CHDH: variants seen among roughly 807,000 people sequenced by gnomAD.
The protein encoded by CHDH is choline dehydrogenase, mitochondrial.
CHDH carries 43 observed loss-of-function variants against 56.9 expected under a neutral mutation model. That is an observed-to-expected ratio of 0.76 (90% CI 0.59 to 0.97). The LOEUF (loss-of-function observed/expected upper bound fraction) is 0.97, where lower values mean the gene tolerates loss of function less well. CHDH is among the 50% of genes least tolerant of loss of function. The pLI is 0.00. For missense variants in CHDH, 816 were observed against 821.1 expected (o/e 0.99, Z 0.08); for synonymous variants, 364 against 348.5 (o/e 1.04, Z -0.50).
In CHDH at chr3:53,815,785, C is replaced by T. The variant is rs1050302878; in HGVS notation, c.*1992G>A. 2.6e-5 allele frequency: 4 copies of T among 152,268 alleles called. No homozygotes were observed. The South Asian group carries it at 8.3e-4, about 32-fold the overall frequency. The allele number at this position is 152,268 out of a possible 1,614,324, so 9.4% of individuals were successfully genotyped here. On this transcript the variant is annotated 3_prime_UTR_variant, in exon 9 of 9. Coordinates refer to ENST00000315251, the MANE Select transcript of CHDH (RefSeq NM_018397.5). ...GTTGGTCCAGGACTATCCCCTGCCC[C>T]TGAATCCACACACGCTCCAGCAGGA... is the stretch of plus-strand genomic sequence containing the variant.
At position 53,824,040 on chromosome 3, in the gene CHDH, G is replaced by T; in HGVS notation, c.-32C>A. ...ATCTAGTCCAAGTCCTCTGATCCACGGAGGGGAATGAGATGACTCACTTCT... is the reference window on the plus strand; with the variant it reads ...ATCTAGTCCAAGTCCTCTGATCCACTGAGGGGAATGAGATGACTCACTTCT... On this transcript the variant is annotated 5_prime_UTR_variant, in exon 3 of 9. Transcript: ENST00000315251. 3 of 1,409,710 alleles carry T rather than the reference G, an allele frequency of 2.1e-6. No individual in the cohort carries two copies. Among genetic ancestry groups the T allele is most frequent in the South Asian group, 3.0e-5 (2 of 66,418 alleles). The allele number at this position is 1,409,710 out of a possible 1,614,324, so 87.3% of individuals were successfully genotyped here. A position where few individuals can be genotyped will look rare whatever the true frequency, so the allele number is the denominator to read the frequency against.
intron 1 of CHDH, among the ~76,000 whole-genome samples, chr3:53,843,106 C>T (rs1698726636): frequency 8.6e-5 from 13 of 150,782 alleles, no homozygotes; most frequent in Admixed American, 8.6e-4. Context: ...ATGGATCAGG[C>T]AAAGAAGCAA....
Position 53,818,308 on chromosome 3 carries a change from G to T in CHDH, c.1367-113C>A, listed in dbSNP as rs2095619591. 3.0e-6 allele frequency: 3 copies of T among 1,009,034 alleles called. No homozygotes were observed. In the South Asian group the frequency reaches 5.1e-5, roughly 17 times the overall value. 62.5% of individuals were successfully genotyped at this position (1,009,034 alleles called of 1,614,324 possible). On this transcript the variant is annotated intron_variant, in intron 8 of 8. Coordinates refer to ENST00000315251, the MANE Select transcript of CHDH (RefSeq NM_018397.5). ...GCTGTCTGAGGGGATGGTGTTTGGG[G>T]ACAAAGTTCAGGGCCATGGGGGACT...
chr3:53,824,064 C>T lies in CHDH; in HGVS notation c.-56G>A. ...CGGAGGGGAATGAGATGACTCACTTCTCCCTAAAACAGGAAGAGGGGCTTT... is the reference window on the plus strand; with the variant it reads ...CGGAGGGGAATGAGATGACTCACTTTTCCCTAAAACAGGAAGAGGGGCTTT... On this transcript the variant is annotated 5_prime_UTR_variant, in exon 3 of 9. Transcript: ENST00000315251. 7.2e-7 allele frequency: 1 copy of T among 1,383,890 alleles called. No homozygotes were observed. Among genetic ancestry groups the T allele is most frequent in the South Asian group, 1.6e-5 (1 of 63,660 alleles). The allele number at this position is 1,383,890 out of a possible 1,614,324, so 85.7% of individuals were successfully genotyped here.
intron 4 of CHDH, 86 bp from the exon 5 acceptor site, chr3:53,821,862 T>G (rs2095627228): frequency 6.5e-7 from 1 of 1,533,042 alleles, no homozygotes; most frequent in Non-Finnish European, 8.9e-7. Flanking sequence ...GCCAGCACCA[T>G]GAGAACACAG....
intron 1 of CHDH, among the ~76,000 whole-genome samples, chr3:53,845,606 C>T (rs115992997): frequency 0.018 from 2,816 of 152,276 alleles, 80 homozygotes; most frequent in African/African-American, 0.065. Context: ...CTGGGCCACC[C>T]ACCCACGAAT....
chr3:53,815,843 G>T lies in CHDH; in HGVS notation c.*1934C>A, dbSNP rs2095614824. 1 of 152,330 alleles carries T rather than the reference G, an allele frequency of 6.6e-6. No individual in the cohort carries two copies. The highest frequency in any genetic ancestry group is 2.4e-5 in the African/African-American group (1 of 41,454). The allele number at this position is 152,330 out of a possible 1,614,324, so 9.4% of individuals were successfully genotyped here. ...ACGAGGCCCTCCAAGTTACGGGGCT[G>T]GCACCTGAACTCCTGTTTCTGCACT... On this transcript the variant is annotated 3_prime_UTR_variant, in exon 9 of 9. Transcript: ENST00000315251.
intron 1 of CHDH, among the ~76,000 whole-genome samples, chr3:53,843,290 T>C (rs1698738739): frequency 6.6e-6 from 1 of 151,820 alleles, no homozygotes; most frequent in Non-Finnish European, 1.5e-5. Flanking sequence ...CTGTTTCTTC[T>C]GCGTTTCCTA....
In CHDH at chr3:53,846,370, C is replaced by A; in HGVS notation, c.-418G>T. 1 of 474,648 alleles carries A rather than the reference C, an allele frequency of 2.1e-6. No individual in the cohort carries two copies. The highest frequency in any genetic ancestry group is 3.9e-5 in the South Asian group (1 of 25,502). 29.4% of individuals were successfully genotyped at this position (474,648 alleles called of 1,614,324 possible). A position where few individuals can be genotyped will look rare whatever the true frequency, so the allele number is the denominator to read the frequency against. Reference sequence around the variant, plus strand: ...TAGGCGCGCGCCGCGGCGGCCCGTGCTCCGCCAGCGCTCGGACACGGCCCA... The same window carrying A: ...TAGGCGCGCGCCGCGGCGGCCCGTGATCCGCCAGCGCTCGGACACGGCCCA... On this transcript the variant is annotated 5_prime_UTR_variant, in exon 1 of 9. Transcript: ENST00000315251.
In CHDH at chr3:53,815,123, TC is replaced by T. The variant is rs1464803244; in HGVS notation, c.*2653del. ...CACACAGCCCACCCCTATCCCCTAT[TC>T]CATCAGGAGCTGCCTTCTACTAGTG... On this transcript the variant is annotated 3_prime_UTR_variant, in exon 9 of 9. Coordinates refer to ENST00000315251, the MANE Select transcript of CHDH (RefSeq NM_018397.5). The T allele has an allele frequency of 6.6e-6, 1 of 152,256 alleles. No homozygotes were observed. Among genetic ancestry groups the T allele is most frequent in the Non-Finnish European group, 1.5e-5 (1 of 68,074 alleles). The allele number at this position is 152,256 out of a possible 1,614,324, so 9.4% of individuals were successfully genotyped here.
chr3:53,818,186 A>G lies in CHDH; in HGVS notation c.1376T>C (p.Ile459Thr), dbSNP rs1576774387. The change falls in exon 9 of 9, where the codon ATT becomes ACT. Residue 459 changes from isoleucine (I) to threonine (T), a missense_variant. Transcript: ENST00000315251. ...CTTCACACACAGACGGAAATCCTCA[A>G]TATCAGTTTCTGTCGAGGAGAAGAA... is the stretch of plus-strand genomic sequence containing the variant. ...QPNYLSTETD[I>T]EDFRLCVKLT... 1.9e-6 allele frequency: 3 copies of G among 1,604,000 alleles called. No homozygotes were observed. In the East Asian group the frequency reaches 6.7e-5, roughly 36 times the overall value.
At chr3:53,839,930 G>A (rs1488925469) in intron 2 of CHDH, among the ~76,000 whole-genome samples, 1 of 152,192 alleles carries the variant, frequency 6.6e-6, no homozygotes, top group Non-Finnish European at 1.5e-5. Flanking sequence ...GATGGAAATG[G>A]AGGTCGTTAT....
At chr3:53,843,279 G>A (rs1698738307) in intron 1 of CHDH, among the ~76,000 whole-genome samples, 1 of 135,392 alleles carries the variant, frequency 7.4e-6, no homozygotes, top group Non-Finnish European at 1.5e-5. Context: ...CTGCTGTTTT[G>A]CTGTTTCTTC....
intron 2 of CHDH, among the ~76,000 whole-genome samples, chr3:53,832,876 C>T (rs1698381271): frequency 6.6e-6 from 1 of 152,170 alleles, no homozygotes; most frequent in African/African-American, 2.4e-5. Context: ...GGGTGTACAA[C>T]ATTGTGAATA....
At chr3:53,821,464 C>T (rs545695486) in intron 5 of CHDH, among the ~76,000 whole-genome samples, 183 bp downstream of exon 5, 13 of 152,218 alleles carry the variant, frequency 8.5e-5, no homozygotes, top group South Asian at 2.1e-4. Flanking sequence ...ATGCAAGACT[C>T]GGGGCCCAGG....
In CHDH at chr3:53,823,553, G is replaced by T. The variant is rs1179956619; in HGVS notation, c.456C>A (p.Arg152=). Residue 152 remains arginine (R), a synonymous_variant, in exon 3 of 9, where the codon CGC becomes CGA. Transcript: ENST00000315251. The part of the protein sequence containing the change: ...GHAEDYERWQ[R]QGARGWDYAH... ...CGTAGTCCCAGCCGCGGGCGCCCTGGCGCTGCCAGCGCTCGTAGTCCTCGG... is the reference window on the plus strand; with the variant it reads ...CGTAGTCCCAGCCGCGGGCGCCCTGTCGCTGCCAGCGCTCGTAGTCCTCGG... The T allele has an allele frequency of 1.9e-6, 3 of 1,542,346 alleles. No individual in the cohort carries two copies. Among genetic ancestry groups the T allele is most frequent in the Non-Finnish European group, 2.6e-6 (3 of 1,146,104 alleles).
At chr3:53,841,373 G>A (rs926679266) in intron 1 of CHDH, among the ~76,000 whole-genome samples, 4 of 152,072 alleles carry the variant, frequency 2.6e-5, no homozygotes, top group African/African-American at 4.8e-5. Flanking sequence ...CATCACAGGC[G>A]CTGCAAAGCC....
At position 53,819,279 on chromosome 3, in the gene CHDH, C is replaced by T. The variant is rs1038069217; in HGVS notation, c.1264-239G>A. Among the ~76,000 whole-genome samples the T allele has an allele frequency of 6.6e-6, 1 of 152,184 alleles. No homozygotes were observed. Among genetic ancestry groups the T allele is most frequent in the Non-Finnish European group, 1.5e-5 (1 of 68,032 alleles). ...TCAAAGCTTTCAGAGGTGGTGATCC[C>T]AGAGCCAAGTCAGCCCCTCTGTTTG... On this transcript the variant is annotated intron_variant, in intron 7 of 8. Transcript: ENST00000315251. This position sits in a 1 kb window ranked among gnomAD's most constrained non-coding sequence, Gnocchi z 5.4.
At chr3:53,821,917 A>C in intron 4 of CHDH, 141 bp from the exon 5 acceptor site, 1 of 1,076,884 alleles carries the variant, frequency 9.3e-7, no homozygotes, top group South Asian at 1.7e-5. Flanking sequence ...CAGGCCCCAG[A>C]GCTAAGGAGA....
Sources: gnomAD v4.1 joint callset for allele counts (sites outside exome capture counted in the v4.1 genomes callset) on GRCh38, gnomAD v4.1.1 for gene constraint, Gnocchi (gnomAD v3.1) non-coding constraint, MANE v1.5 for transcripts, NCBI Gene and HGNC (gene_info 2026-07-23, HGNC 2026-07-21) for gene names.